FANCA: variants seen among roughly 807,000 people sequenced by gnomAD.
FANCA encodes FA complementation group A.
A neutral mutation model predicts 194.3 loss-of-function variants in FANCA; 236 were observed. That is an observed-to-expected ratio of 1.21 (90% CI 1.09 to 1.35). The LOEUF is 1.35. Ranked by LOEUF, FANCA falls within the 40% of genes most tolerant of loss-of-function variation. FANCA has a pLI of 0.00. For synonymous variants in FANCA, 1,014 were observed against 715.8 expected (o/e 1.42, Z -6.65); for missense variants, 2,628 against 1,813.9 (o/e 1.45, Z -8.15).
At chr16:89,771,878 TAG>T in intron 22 of FANCA, 64 bp from the exon 23 acceptor site, 2 of 1,593,876 alleles carry the variant, frequency 1.3e-6, no homozygotes, top group South Asian at 1.1e-5. Flanking sequence ...AGCTGCGGCC[TAG>T]AGAGCTCCGC....
intron 5 of FANCA, chr16:89,810,471 T>A: frequency 2.0e-6 from 1 of 512,748 alleles, no homozygotes; most frequent in Non-Finnish European, 3.5e-6. Context: ...TGTTTTTCAA[T>A]ATATTCTAGT....
At chr16:89,799,847 G>C (rs981297406) in intron 8 of FANCA, among the ~76,000 whole-genome samples, 1 of 152,190 alleles carries the variant, frequency 6.6e-6, no homozygotes, top group African/African-American at 2.4e-5. Context: ...CAAAAAATTA[G>C]CCGGGCGCAG....
In FANCA at chr16:89,787,380, G is replaced by C. The variant is rs549211418; in HGVS notation, c.1360-2416C>G. On this transcript the variant is annotated intron_variant, in intron 14 of 42. Coordinates refer to ENST00000389301, the MANE Select transcript of FANCA (RefSeq NM_000135.4). Reference sequence around the variant, plus strand: ...CTACTAAAAATACAAAAAATTAGCCGTGTGTGGTGGCAGGCGCCTGTAGTC... The same window carrying C: ...CTACTAAAAATACAAAAAATTAGCCCTGTGTGGTGGCAGGCGCCTGTAGTC... Among the ~76,000 whole-genome samples, 19 of 152,166 alleles carry C rather than the reference G, an allele frequency of 1.2e-4. No individual in the cohort carries two copies. In the East Asian group the frequency reaches 3.5e-3, roughly 28 times the overall value.
intron 29 of FANCA, among the ~76,000 whole-genome samples, chr16:89,758,924 G>C (rs2038852077): frequency 6.6e-6 from 1 of 152,048 alleles, no homozygotes; most frequent in Non-Finnish European, 1.5e-5. Context: ...TGACCTTTGT[G>C]ACCCCACCTT....
chr16:89,798,963 T>C, intron 10 of FANCA: 1 of 1,612,838 alleles, frequency 6.2e-7, no homozygotes, highest in Non-Finnish European at 8.5e-7. Flanking sequence ...TCCGACCTCA[T>C]CCTCACAGGA....
intron 30 of FANCA, among the ~76,000 whole-genome samples, chr16:89,755,586 T>C (rs1469946072): frequency 1.2e-4 from 18 of 152,134 alleles, no homozygotes; most frequent in Admixed American, 1.2e-3. Context: ...TTTATAAAAA[T>C]TTAAAACCTT....
At position 89,771,683 on chromosome 16, in the gene FANCA, G is replaced by A. The variant is rs754896727; in HGVS notation, c.2146C>T (p.His716Tyr). The change falls in exon 23 of 43, where the codon CAC becomes TAC. Residue 716 changes from histidine to tyrosine, a missense_variant. His to Tyr is a moderately conservative substitution (Grantham distance 83, BLOSUM62 2). Coordinates refer to ENST00000389301, the MANE Select transcript of FANCA (RefSeq NM_000135.4). ...INTPRLEPRE[H>Y]MAVDLLLTSF... ...TTCTGAGCCCCTACACCTACCATGT[G>A]TTCCCGTGGCTCCAGTCTCGGCGTG... The A allele has an allele frequency of 3.7e-6, 6 of 1,614,134 alleles. No individual in the cohort carries two copies. The highest frequency in any genetic ancestry group is 3.3e-5 in the Admixed American group (2 of 60,000).
In FANCA at chr16:89,754,343, A is replaced by C. The variant is rs115756714; in HGVS notation, c.2982-2121T>G. On this transcript the variant is annotated intron_variant, in intron 30 of 42. Coordinates refer to ENST00000389301, the MANE Select transcript of FANCA (RefSeq NM_000135.4). Reference sequence around the variant, plus strand: ...AGATAGGAAAGGAAAAAGTGAAACTATCTCTCTTCACATATTATATGATCT... The same window carrying C: ...AGATAGGAAAGGAAAAAGTGAAACTCTCTCTCTTCACATATTATATGATCT... Among the ~76,000 whole-genome samples, 337 of 152,164 alleles carry C rather than the reference A, an allele frequency of 2.2e-3. 4 individuals are homozygous for C. The highest frequency in any genetic ancestry group is 7.5e-3 in the African/African-American group (311 of 41,544).
rs2039003325 is a variant in FANCA, at chr16:89,762,963, AAG to A, written c.2779-943_2779-942del. ...TAAAAATACGAAAAAAAAAAAAAAA[AAG>A]GGTTGGGCGTGGTGGCTCACACCTG... On this transcript the variant is annotated intron_variant, in intron 28 of 42. Coordinates refer to ENST00000389301, the MANE Select transcript of FANCA (RefSeq NM_000135.4). 2.7e-5 allele frequency among the ~76,000 whole-genome samples: 4 copies of A among 146,042 alleles called. No individual in the cohort carries two copies. In the South Asian group the frequency reaches 6.5e-4, roughly 24 times the overall value.
In FANCA at chr16:89,746,805, C is replaced by A. The variant is rs116683391; in HGVS notation, c.3408+26G>T. 2.5e-6 allele frequency: 4 copies of A among 1,573,260 alleles called. No individual in the cohort carries two copies. The African/African-American group carries it at 5.4e-5, about 21-fold the overall frequency. On this transcript the variant is annotated intron_variant, in intron 34 of 42. Coordinates refer to ENST00000389301, the MANE Select transcript of FANCA (RefSeq NM_000135.4). The stretch of plus-strand genomic sequence containing the variant: ...CACCCACGGCGTTCTGAGAAGGCCA[C>A]GAGAGGGGCTGAGGGAGCATCTCAC...
At chr16:89,759,903 G>T (rs960119960) in intron 29 of FANCA, among the ~76,000 whole-genome samples, 1 of 152,088 alleles carries the variant, frequency 6.6e-6, no homozygotes, top group Non-Finnish European at 1.5e-5. Flanking sequence ...CACTGTCCGG[G>T]ACTGGGGTGC....
In FANCA at chr16:89,739,498, C is replaced by T. The variant is rs1401417399; in HGVS notation, c.3990G>A (p.Leu1330=). The T allele has an allele frequency of 6.4e-7, 1 of 1,551,312 alleles. No homozygotes were observed. Residue 1330 remains leucine, a synonymous_variant, in exon 40 of 43, where the codon CTG becomes CTA. Transcript: ENST00000389301. ...LRVAPDQHTR[L]LPFAFYSLLS... ...GGTACCTGTAAAAAGCGAAAGGCAGCAGCCTGGTGTGCTGATCCGGGGCCA... is the reference window on the plus strand; with the variant it reads ...GGTACCTGTAAAAAGCGAAAGGCAGTAGCCTGGTGTGCTGATCCGGGGCCA...
At chr16:89,772,644 C>T (rs2039364076) in intron 22 of FANCA, among the ~76,000 whole-genome samples, 1 of 152,088 alleles carries the variant, frequency 6.6e-6, no homozygotes, top group Admixed American at 6.6e-5. Context: ...TGGTGAAACC[C>T]CATCTCTACT....
intron 33 of FANCA, among the ~76,000 whole-genome samples, chr16:89,747,746 A>G (rs910464738): frequency 2.0e-5 from 3 of 152,220 alleles, no homozygotes; most frequent in Non-Finnish European, 4.4e-5. Context: ...AAAATGCTGC[A>G]CAGCTGGCAT....
At chr16:89,764,704 C>T in intron 28 of FANCA, 186 bp downstream of exon 28, 1 of 732,762 alleles carries the variant, frequency 1.4e-6, no homozygotes, top group South Asian at 1.4e-5. Flanking sequence ...TCTGAGGAGA[C>T]AGTCGGCACA....
chr16:89,790,289 G>A (rs1402328291), intron 14 of FANCA, among the ~76,000 whole-genome samples: 1 of 151,918 alleles, frequency 6.6e-6, no homozygotes, highest in Non-Finnish European at 1.5e-5. Flanking sequence ...AGCTACTCGG[G>A]AGGCGGAGGC....
In FANCA at chr16:89,798,873, A is replaced by C. The variant is rs924552759; in HGVS notation, c.893+293T>G. On this transcript the variant is annotated intron_variant, in intron 10 of 42. Transcript: ENST00000389301. ...GGAGGAGCAAGGGGAGACTCCACAC[A>C]GGAGGAGGTCACAGTGAGTGGGACA... is the stretch of plus-strand genomic sequence containing the variant. 94 of 1,561,420 alleles carry C rather than the reference A, an allele frequency of 6.0e-5. No homozygotes were observed. The Admixed American group carries it at 1.4e-3, about 24-fold the overall frequency.
intron 15 of FANCA, among the ~76,000 whole-genome samples, chr16:89,784,421 TAAAAA>T (rs59766959): frequency 8.5e-6 from 1 of 118,306 alleles, no homozygotes; most frequent in Non-Finnish European, 1.9e-5. Context: ...CACATGAAAT[TAAAAA>T]AAAAAAAAAA....
In FANCA at chr16:89,791,941, T is replaced by C. The variant is rs769664248; in HGVS notation, c.1211A>G (p.Gln404Arg). Residue 404 changes from glutamine to arginine, a missense_variant, in exon 13 of 43, where the codon CAG becomes CGG. Gln to Arg is a conservative substitution (Grantham distance 43, BLOSUM62 1). Coordinates refer to ENST00000389301, the MANE Select transcript of FANCA (RefSeq NM_000135.4). The part of the protein sequence containing the change: ...SALVVCFPEA[Q>R]QLLEDWVARL... ...TAAAAGCTCACCTTCAAGCAGCTGC[T>C]GCGCTTCTGGAAAGCAGACAACCAG... The C allele has an allele frequency of 1.3e-5, 21 of 1,614,016 alleles. No homozygotes were observed. The highest frequency in any genetic ancestry group is 1.7e-5 in the Non-Finnish European group (20 of 1,180,024).
Sources: gnomAD v4.1 joint callset for allele counts (sites outside exome capture counted in the v4.1 genomes callset) on GRCh38, gnomAD v4.1.1 for gene constraint, MANE v1.5 for transcripts, NCBI Gene and HGNC (gene_info 2026-07-23, HGNC 2026-07-21) for gene names.